The following IL1RAPL2 variants were observed in gnomAD, a reference collection of about 807,000 sequenced individuals.
IL1RAPL2 encodes interleukin 1 receptor accessory protein like 2, also known as X-linked interleukin-1 receptor accessory protein-like 2.
A neutral mutation model predicts 44.1 loss-of-function variants in IL1RAPL2; 3 were observed. The ratio of observed to expected loss-of-function variants is 0.07; its 90% CI spans 0.03 to 0.18. IL1RAPL2 has a LOEUF of 0.18. IL1RAPL2 is among the 10% of genes least tolerant of loss of function. The pLI, the probability that IL1RAPL2 is intolerant of heterozygous loss-of-function variation, is 1.00. For missense variants in IL1RAPL2, 391 were observed against 496.4 expected (o/e 0.79, Z 2.02); for synonymous variants, 181 against 178.8 (o/e 1.01, Z -0.10).
chrX:105,399,405 C>T (rs1181996559), intron 5 of IL1RAPL2, among the ~76,000 whole-genome samples: 1 of 110,882 alleles, frequency 9.0e-6, no homozygotes, highest in African/African-American at 3.3e-5. Context: ...CTCCCCTTAC[C>T]ATCCCTATCC....
rs188360453 is a variant in IL1RAPL2 at position 104,833,083 on chromosome X, G to A, written c.82+174088G>A. Among the ~76,000 whole-genome samples the A allele has an allele frequency of 5.4e-5, 6 of 111,693 alleles. 1 individual carries two copies. The highest frequency in any genetic ancestry group is 3.8e-4 in the Admixed American group (4 of 10,483). On this transcript the variant is annotated intron_variant, in intron 2 of 10. Transcript: ENST00000372582. ...CTGTCATTTCTATGAATTGTTCATC[G>A]TCATCTGCATTAAAATACACTCACT...
At chrX:104,856,517 T>A (rs764783264) in intron 2 of IL1RAPL2, among the ~76,000 whole-genome samples, 1 of 112,127 alleles carries the variant, frequency 8.9e-6, no homozygotes, top group Non-Finnish European at 1.9e-5. Context: ...CCCATGACCT[T>A]GAAAGGTCAT....
intron 1 of IL1RAPL2, among the ~76,000 whole-genome samples, chrX:104,605,546 G>T (rs1409393595): frequency 6.3e-5 from 7 of 111,321 alleles, no homozygotes; most frequent in Non-Finnish European, 1.1e-4. Context: ...TCTGTGAAAA[G>T]ATCAACAAAA....
At chrX:105,150,188 A>T (rs766585348) in intron 2 of IL1RAPL2, among the ~76,000 whole-genome samples, 3 of 111,681 alleles carry the variant, frequency 2.7e-5, no homozygotes, top group Admixed American at 9.6e-5. Flanking sequence ...AAATACTATT[A>T]TCAAAAGACA....
chrX:105,122,707 A>T (rs1017744458), intron 2 of IL1RAPL2, among the ~76,000 whole-genome samples: 1 of 112,155 alleles, frequency 8.9e-6, no homozygotes, highest in African/African-American at 3.2e-5. Flanking sequence ...TAAGTCTACA[A>T]GGGACAAGGA....
intron 1 of IL1RAPL2, among the ~76,000 whole-genome samples, chrX:104,634,120 G>A (rs1929729014): frequency 2.7e-5 from 3 of 111,488 alleles, no homozygotes; most frequent in African/African-American, 9.8e-5. Context: ...TCATTCAGGA[G>A]CAGGTTGTTC....
chrX:105,311,290 A>G (rs2034794652), intron 5 of IL1RAPL2, among the ~76,000 whole-genome samples: 1 of 110,432 alleles, frequency 9.1e-6, no homozygotes, highest in Non-Finnish European at 1.9e-5. Flanking sequence ...CATTCAATAT[A>G]TATATGATAT....
At chrX:104,962,768 C>T (rs1211496141) in intron 2 of IL1RAPL2, among the ~76,000 whole-genome samples, 1 of 111,884 alleles carries the variant, frequency 8.9e-6, no homozygotes, top group East Asian at 2.8e-4. Context: ...TGCTTCTCTC[C>T]ACAATTCCAG....
At chrX:104,904,246 C>A (rs1923907149) in intron 2 of IL1RAPL2, among the ~76,000 whole-genome samples, 1 of 106,827 alleles carries the variant, frequency 9.4e-6, no homozygotes, top group Admixed American at 1.0e-4. Context: ...TATATATATG[C>A]ATACACACAC....
At chrX:105,740,470 A>G (rs780340042) in intron 7 of IL1RAPL2, 76 bp from the exon 8 acceptor site, 1 of 1,024,623 alleles carries the variant, frequency 9.8e-7, no homozygotes, top group East Asian at 3.1e-5. Flanking sequence ...GAGCTGTGTG[A>G]CCATCTGTAG....
At chrX:105,021,749 G>A (rs756851765) in intron 2 of IL1RAPL2, among the ~76,000 whole-genome samples, 51 of 111,630 alleles carry the variant, frequency 4.6e-4, no homozygotes, top group Admixed American at 3.0e-3. Context: ...CAATACGTGG[G>A]TATTTGCCTA....
intron 2 of IL1RAPL2, among the ~76,000 whole-genome samples, chrX:104,916,283 C>A (rs1342860862): frequency 6.8e-4 from 76 of 111,418 alleles, no homozygotes; most frequent in South Asian, 1.1e-3. Flanking sequence ...GAGGTCCTTC[C>A]CATCCCTTGT....
chrX:105,075,859 G>C (rs78369155), intron 2 of IL1RAPL2, among the ~76,000 whole-genome samples: 1 of 111,759 alleles, frequency 8.9e-6, no homozygotes, highest in Non-Finnish European at 1.9e-5. Flanking sequence ...TCTGATGGTA[G>C]TTTGTATTTC....
intron 5 of IL1RAPL2, among the ~76,000 whole-genome samples, chrX:105,370,032 A>G (rs2035325498): frequency 8.9e-6 from 1 of 111,779 alleles, no homozygotes; most frequent in Admixed American, 9.5e-5. Flanking sequence ...CCTTATACCA[A>G]TAACATCTAG....
chrX:105,742,326 T>C (rs1434824110), intron 8 of IL1RAPL2, among the ~76,000 whole-genome samples: 9 of 111,303 alleles, frequency 8.1e-5, no homozygotes, highest in Non-Finnish European at 1.7e-4. Flanking sequence ...AAGACCAAGA[T>C]TAAACATTTT....
chrX:104,761,947 T>C (rs754786586), intron 2 of IL1RAPL2, among the ~76,000 whole-genome samples: 26 of 81,754 alleles, frequency 3.2e-4, no homozygotes, highest in South Asian at 5.9e-4. Context: ...TTCTTCTTCT[T>C]CTTCTTCTTC....
In IL1RAPL2 at chrX:105,387,025, G is replaced by T. The variant is rs186359890; in HGVS notation, c.698-97288G>T. 2.2e-3 allele frequency among the ~76,000 whole-genome samples: 246 copies of T among 111,498 alleles called. 1 individual carries two copies. Among genetic ancestry groups the T allele is most frequent in the African/African-American group, 7.7e-3 (238 of 30,774 alleles). ...CATACATTTGAATTTCAGAATGGAT[G>T]ATACACATTTCACTATATATGTATA... On this transcript the variant is annotated intron_variant, in intron 5 of 10. Coordinates refer to ENST00000372582, the MANE Select transcript of IL1RAPL2 (RefSeq NM_017416.2).
chrX:105,449,052 G>C (rs1289086673), intron 5 of IL1RAPL2, among the ~76,000 whole-genome samples: 3 of 111,373 alleles, frequency 2.7e-5, no homozygotes, highest in African/African-American at 9.8e-5. Flanking sequence ...GGTCCCTGGT[G>C]TCTTATTTAG....
intron 6 of IL1RAPL2, among the ~76,000 whole-genome samples, chrX:105,687,895 C>T (rs895792450): frequency 9.0e-6 from 1 of 111,648 alleles, no homozygotes; most frequent in African/African-American, 3.3e-5. Context: ...GGCCTCATCC[C>T]TGGGATGCAA....
Sources: gnomAD v4.1 joint callset for allele counts (sites outside exome capture counted in the v4.1 genomes callset) on GRCh38, gnomAD v4.1.1 for gene constraint, MANE v1.5 for transcripts, NCBI Gene and HGNC (gene_info 2026-07-23, HGNC 2026-07-21) for gene names.